UHRF2: variants seen among roughly 807,000 people sequenced by gnomAD.
UHRF2 encodes E3 ubiquitin-protein ligase UHRF2.
UHRF2 carries 23 observed loss-of-function variants against 96.8 expected under a neutral mutation model. That is an observed-to-expected ratio of 0.24 (90% CI 0.17 to 0.34). The LOEUF (loss-of-function observed/expected upper bound fraction) is 0.34. UHRF2 is among the 10% of genes least tolerant of loss of function. The pLI, the probability that UHRF2 is intolerant of heterozygous loss-of-function variation, is 1.00. For missense variants in UHRF2, 685 were observed against 981.5 expected (o/e 0.70, Z 4.04); for synonymous variants, 385 against 332.6 (o/e 1.16, Z -1.72).
chr9:6,417,047 T>A (rs1267137784), intron 1 of UHRF2, among the ~76,000 whole-genome samples: 1 of 152,158 alleles, frequency 6.6e-6, no homozygotes, highest in Non-Finnish European at 1.5e-5. Flanking sequence ...ATATGATGTA[T>A]ATAACATATA....
intron 4 of UHRF2, among the ~76,000 whole-genome samples, chr9:6,462,752 A>G (rs1394852687): frequency 2.0e-5 from 3 of 151,264 alleles, no homozygotes; most frequent in African/African-American, 4.9e-5. Context: ...CCCCATCTCT[A>G]CTAAAAATAC....
chr9:6,425,722 C>T (rs1400813221), intron 2 of UHRF2, among the ~76,000 whole-genome samples: 2 of 152,080 alleles, frequency 1.3e-5, no homozygotes, highest in African/African-American at 4.8e-5. Flanking sequence ...GAGATCGCGC[C>T]ACTGCACTCC....
intron 3 of UHRF2, among the ~76,000 whole-genome samples, chr9:6,460,005 G>A (rs1563773897): frequency 6.6e-6 from 1 of 152,156 alleles, no homozygotes; most frequent in Non-Finnish European, 1.5e-5. Flanking sequence ...TTAAAAAAAT[G>A]TAGAGCAAGA....
intron 3 of UHRF2, among the ~76,000 whole-genome samples, chr9:6,438,178 G>A (rs1383474190): frequency 6.6e-6 from 1 of 152,210 alleles, no homozygotes; most frequent in Non-Finnish European, 1.5e-5. Flanking sequence ...GTATAACACA[G>A]AAGGGAAGTT....
intron 9 of UHRF2, among the ~76,000 whole-genome samples, chr9:6,487,937 T>C (rs1310461070): frequency 3.3e-5 from 5 of 152,010 alleles, no homozygotes; most frequent in Non-Finnish European, 7.4e-5. Flanking sequence ...GATTCACGTG[T>C]AGCATTAGAA....
intron 2 of UHRF2, among the ~76,000 whole-genome samples, chr9:6,423,525 G>A (rs947184606): frequency 2.0e-5 from 3 of 151,872 alleles, no homozygotes; most frequent in African/African-American, 7.3e-5. Flanking sequence ...TGTGGGGACA[G>A]TTCATTATTA....
chr9:6,494,060 A>G, intron 10 of UHRF2, 128 bp downstream of exon 10: 1 of 732,720 alleles, frequency 1.4e-6, no homozygotes, highest in Admixed American at 2.9e-5. Flanking sequence ...TTAAAATTCC[A>G]GTGCCTGATT....
chr9:6,461,663 C>T lies in UHRF2; in HGVS notation c.863+872C>T, dbSNP rs919602795. The stretch of plus-strand genomic sequence containing the variant: ...TTGGGATTACAGGTATGAGCCACTG[C>T]GCCCAGCTTTCTATCATTAATTTTT... On this transcript the variant is annotated intron_variant, in intron 4 of 15. Transcript: ENST00000276893. Among the ~76,000 whole-genome samples, 11 of 152,076 alleles carry T rather than the reference C, an allele frequency of 7.2e-5. No individual in the cohort carries two copies. In the South Asian group the frequency reaches 8.3e-4, roughly 12 times the overall value.
chr9:6,472,002 C>T (rs369948466), intron 4 of UHRF2, among the ~76,000 whole-genome samples: 23 of 152,170 alleles, frequency 1.5e-4, no homozygotes, highest in African/African-American at 4.8e-4. Context: ...AACTTACATA[C>T]AGTAATATGT....
At chr9:6,418,710 G>A (rs1015330912) in intron 1 of UHRF2, among the ~76,000 whole-genome samples, 2 of 152,128 alleles carry the variant, frequency 1.3e-5, no homozygotes, top group African/African-American at 4.8e-5. Flanking sequence ...AAGGAGTTTA[G>A]TTTTCTTGTT....
chr9:6,414,107 C>A (rs574423752), intron 1 of UHRF2: 1 of 153,620 alleles, frequency 6.5e-6, no homozygotes, highest in South Asian at 2.0e-4. Context: ...GGCTCTCAAA[C>A]AGGGGAAACT....
At chr9:6,467,778 T>C (rs970948099) in intron 4 of UHRF2, among the ~76,000 whole-genome samples, 1 of 152,100 alleles carries the variant, frequency 6.6e-6, no homozygotes, top group Non-Finnish European at 1.5e-5. Flanking sequence ...TTAGACCACA[T>C]AGGTAGCATG....
intron 6 of UHRF2, 38 bp from the exon 7 acceptor site, chr9:6,481,605 A>G (rs371929484): frequency 1.4e-5 from 23 of 1,600,538 alleles, no homozygotes; most frequent in Non-Finnish European, 1.9e-5. Flanking sequence ...TTAATATGGT[A>G]TTGTGAAAAT....
chr9:6,448,175 A>C (rs1424352701), intron 3 of UHRF2, among the ~76,000 whole-genome samples: 4 of 152,174 alleles, frequency 2.6e-5, no homozygotes, highest in African/African-American at 9.7e-5. Flanking sequence ...AAGTTGCAAA[A>C]AGACAGAGTA....
At chr9:6,478,191 A>C (rs1823703554) in intron 6 of UHRF2, among the ~76,000 whole-genome samples, 1 of 152,220 alleles carries the variant, frequency 6.6e-6, no homozygotes, top group African/African-American at 2.4e-5. Flanking sequence ...TCTACACTGT[A>C]GCCAGATTAA....
At chr9:6,504,421 A>T (rs1258242541) in intron 14 of UHRF2, 172 bp from the exon 15 acceptor site, 4 of 498,272 alleles carry the variant, frequency 8.0e-6, no homozygotes, top group African/African-American at 2.0e-5. Context: ...ATATGTTCAT[A>T]TAACATATAA....
chr9:6,500,002 C>A, intron 13 of UHRF2, 71 bp downstream of exon 13: 4 of 1,225,718 alleles, frequency 3.3e-6, no homozygotes, highest in Non-Finnish European at 4.6e-6. Context: ...GACGGGGTCT[C>A]ACTCTTGTCA....
chr9:6,414,830 C>T (rs1819499243), intron 1 of UHRF2, among the ~76,000 whole-genome samples: 2 of 152,168 alleles, frequency 1.3e-5, no homozygotes. Flanking sequence ...CTTTCCTTCT[C>T]TCTTTAAAAT....
chr9:6,423,771 C>G (rs1820073052), intron 2 of UHRF2, among the ~76,000 whole-genome samples: 2 of 151,670 alleles, frequency 1.3e-5, no homozygotes, highest in Non-Finnish European at 2.9e-5. Flanking sequence ...TGGTGAAACC[C>G]CGTCTCCACT....
Sources: gnomAD v4.1 joint callset for allele counts (sites outside exome capture counted in the v4.1 genomes callset) on GRCh38, gnomAD v4.1.1 for gene constraint, MANE v1.5 for transcripts, NCBI Gene and HGNC (gene_info 2026-07-23, HGNC 2026-07-21) for gene names.